The following RNF150 variants were observed in gnomAD, a reference collection of about 807,000 sequenced individuals.
RNF150 encodes the protein ring finger protein 150.
A neutral mutation model predicts 39.3 loss-of-function variants in RNF150; 24 were observed. The observed-to-expected ratio is 0.61, with a 90% CI of 0.44 to 0.86. The LOEUF (loss-of-function observed/expected upper bound fraction) is 0.86, where lower values mean the gene tolerates loss of function less well. Ranked by LOEUF, RNF150 falls within the 40% of genes least tolerant of loss-of-function variation. The probability of loss-of-function intolerance (pLI) is 0.00; values close to 1 mark genes in which losing one functional copy is unlikely to be tolerated. For synonymous variants in RNF150, 255 were observed against 227.3 expected (o/e 1.12, Z -1.10); for missense variants, 502 against 587.8 (o/e 0.85, Z 1.51).
chr4:140,922,061 G>C (rs149073530), intron 5 of RNF150, among the ~76,000 whole-genome samples: 81,331 of 149,016 alleles, frequency 0.55, 22,660 homozygotes, highest in East Asian at 0.89. Context: ...ACTGGCACAA[G>C]ACAGGGATGC....
intron 1 of RNF150, among the ~76,000 whole-genome samples, chr4:141,078,576 G>T (rs1737997057): frequency 6.6e-6 from 1 of 151,082 alleles, no homozygotes; most frequent in South Asian, 2.1e-4. Context: ...GAAGTCAGGA[G>T]ATAGACCATC....
intron 1 of RNF150, among the ~76,000 whole-genome samples, chr4:140,986,777 C>G (rs1448392520): frequency 6.6e-6 from 1 of 151,906 alleles, no homozygotes; most frequent in African/African-American, 2.4e-5. Context: ...CAGTCCTAGT[C>G]ACAGTAATCA....
At chr4:141,130,807 G>A (rs899012077) in intron 1 of RNF150, among the ~76,000 whole-genome samples, 22 of 152,154 alleles carry the variant, frequency 1.4e-4, no homozygotes, top group African/African-American at 4.8e-4. Flanking sequence ...GCTTTCCATA[G>A]TCCTTAACAT....
At chr4:141,057,198 G>GC (rs1737012686) in intron 1 of RNF150, among the ~76,000 whole-genome samples, 3 of 151,916 alleles carry the variant, frequency 2.0e-5, no homozygotes, top group Admixed American at 2.0e-4. Context: ...ACAGTGCCTT[G>GC]CATATGGCAG....
chr4:141,044,745 A>G (rs1736498563), intron 1 of RNF150, among the ~76,000 whole-genome samples: 1 of 149,854 alleles, frequency 6.7e-6, no homozygotes, highest in African/African-American at 2.5e-5. Flanking sequence ...GTTGGAGTAA[A>G]GAGCTCATGC....
At chr4:140,919,878 C>T (rs187128795) in intron 5 of RNF150, among the ~76,000 whole-genome samples, 2,641 of 150,196 alleles carry the variant, frequency 0.018, 33 homozygotes, top group Non-Finnish European at 0.028. Context: ...TCAGAAATAA[C>T]GCCACATATC....
Position 140,982,645 on chromosome 4 carries a change from A to G in RNF150, c.485-14772T>C, listed in dbSNP as rs12233796. On this transcript the variant is annotated intron_variant, in intron 1 of 6. Coordinates refer to ENST00000515673, the MANE Select transcript of RNF150 (RefSeq NM_020724.2). The stretch of plus-strand genomic sequence containing the variant: ...GTAGTGAGCATGGGTCACTGGAACA[A>G]TCAGTGAAACCAGTCAGAAAACATG... Among the ~76,000 whole-genome samples, 1,807 of 152,106 alleles carry G rather than the reference A, an allele frequency of 0.012. 141 individuals are homozygous for G. In the East Asian group the frequency reaches 0.23, roughly 20 times the overall value.
At chr4:140,907,542 C>T (rs1730433098) in intron 6 of RNF150, among the ~76,000 whole-genome samples, 1 of 151,940 alleles carries the variant, frequency 6.6e-6, no homozygotes, top group South Asian at 2.1e-4. Context: ...TGATCTACTG[C>T]ACATGGGCCA....
chr4:141,075,262 C>T (rs3851432), intron 1 of RNF150, among the ~76,000 whole-genome samples: 37,059 of 152,120 alleles, frequency 0.24, 4,529 homozygotes, highest in Middle Eastern at 0.4. Context: ...CAGCTATAGG[C>T]GATACTTAAA....
chr4:141,197,038 T>C lies in RNF150; in HGVS notation c.-6+15756A>G, dbSNP rs1031904462. ...TGTTTGATGTCAAGATCTGGATTAA[T>C]TTTGTCCCAAAAAAAAGTGTTTTAA... On this transcript the variant is annotated intron_variant, in intron 1 of 7. Coordinates refer to the RNF150 transcript ENST00000420921. Among the ~76,000 whole-genome samples, 9 of 151,762 alleles carry C rather than the reference T, an allele frequency of 5.9e-5. 1 individual carries two copies. Among genetic ancestry groups the C allele is most frequent in the African/African-American group, 2.2e-4 (9 of 41,030 alleles).
intron 1 of RNF150, among the ~76,000 whole-genome samples, chr4:141,044,772 C>CACACAA (rs1491313179): frequency 3.6e-3 from 68 of 18,678 alleles, no homozygotes; most frequent in African/African-American, 6.1e-3. Flanking sequence ...GTGTGCAGCG[C>CACACAA]ACACACACAC....
At chr4:140,984,072 G>A (rs190681085) in intron 1 of RNF150, among the ~76,000 whole-genome samples, 3 of 152,208 alleles carry the variant, frequency 2.0e-5, no homozygotes, top group East Asian at 1.9e-4. Context: ...CCTGTCACAT[G>A]AGGTCAGATG....
intron 1 of RNF150, among the ~76,000 whole-genome samples, chr4:140,971,687 G>A (rs1346029683): frequency 6.6e-6 from 1 of 152,214 alleles, no homozygotes; most frequent in East Asian, 1.9e-4. Flanking sequence ...TCCCTTGAGA[G>A]TGCTCCATTG....
rs533514290 is a variant in RNF150 at position 140,989,696 on chromosome 4, G to T, written c.485-21823C>A. On this transcript the variant is annotated intron_variant, in intron 1 of 6. Transcript: ENST00000515673. Reference sequence around the variant, plus strand: ...GGCATTTATCCGGTAGTATTATAACGACTAAAATGTGTAAATTGAAGGACC... The same window carrying T: ...GGCATTTATCCGGTAGTATTATAACTACTAAAATGTGTAAATTGAAGGACC... Among the ~76,000 whole-genome samples the T allele has an allele frequency of 1.3e-3, 199 of 151,196 alleles. 1 individual carries two copies. The highest frequency in any genetic ancestry group is 4.7e-3 in the African/African-American group (193 of 41,280).
intron 6 of RNF150, among the ~76,000 whole-genome samples, chr4:140,909,272 T>C (rs569687666): frequency 2.0e-5 from 3 of 152,302 alleles, no homozygotes; most frequent in African/African-American, 7.2e-5. Flanking sequence ...TCTAGATCTA[T>C]GCACTCCAAT....
intron 1 of RNF150, among the ~76,000 whole-genome samples, chr4:141,060,856 A>G (rs1442723242): frequency 6.6e-6 from 1 of 152,204 alleles, no homozygotes; most frequent in Non-Finnish European, 1.5e-5. Context: ...GGATGAAGCC[A>G]GAAACCATCA....
chr4:140,988,236 G>T (rs1734075069), intron 1 of RNF150, among the ~76,000 whole-genome samples: 1 of 152,088 alleles, frequency 6.6e-6, no homozygotes, highest in Non-Finnish European at 1.5e-5. Flanking sequence ...GTTCAATCCA[G>T]AAATCCAATT....
chr4:140,948,402 G>GC (rs57277657), intron 3 of RNF150, among the ~76,000 whole-genome samples: 4,558 of 152,052 alleles, frequency 0.03, 75 homozygotes, highest in African/African-American at 0.047. Flanking sequence ...CCCTTACATT[G>GC]CCCCAAGGAG....
intron 1 of RNF150, among the ~76,000 whole-genome samples, chr4:141,014,337 C>T (rs989391318): frequency 6.6e-6 from 1 of 152,160 alleles, no homozygotes; most frequent in Non-Finnish European, 1.5e-5. Flanking sequence ...TACTTATTTC[C>T]GTTCCTCTGG....
Sources: allele counts gnomAD v4.1 joint callset (sites outside exome capture counted in the v4.1 genomes callset), GRCh38; gene constraint gnomAD v4.1.1; transcripts MANE v1.5; gene names NCBI Gene and HGNC (gene_info 2026-07-23, HGNC 2026-07-21).